The following GALK2 variants were observed in gnomAD, a reference collection of about 807,000 sequenced individuals.
GALK2 encodes the protein galactokinase 2.
In GALK2, 36 loss-of-function variants were observed where a neutral mutation model predicts 52.4. That is an observed-to-expected ratio of 0.69 (90% CI 0.53 to 0.91). The LOEUF (loss-of-function observed/expected upper bound fraction) is 0.91. Among genes scored for constraint, GALK2 ranks in the 40% least tolerant of loss-of-function variants. GALK2 has a pLI of 0.00. For synonymous variants in GALK2, 176 were observed against 199.1 expected (o/e 0.88, Z 0.98); for missense variants, 579 against 559.1 (o/e 1.04, Z -0.36).
intron 3 of GALK2, among the ~76,000 whole-genome samples, chr15:49,345,560 A>G (rs1156381618): frequency 6.6e-6 from 1 of 152,266 alleles, no homozygotes; most frequent in Non-Finnish European, 1.5e-5. Flanking sequence ...AACAATGGTT[A>G]TATTCTACTC....
At chr15:49,340,680 T>C (rs903929650) in intron 3 of GALK2, among the ~76,000 whole-genome samples, 5 of 152,186 alleles carry the variant, frequency 3.3e-5, no homozygotes, top group African/African-American at 9.7e-5. Context: ...GTTGGATGCA[T>C]AGTTTGTGAA....
chr15:49,183,440 T>G (rs2086118874), intron 1 of GALK2, among the ~76,000 whole-genome samples: 1 of 152,246 alleles, frequency 6.6e-6, no homozygotes, highest in Admixed American at 6.5e-5. Flanking sequence ...CAGGAACATA[T>G]TGTTTAATTG....
chr15:49,342,112 T>G (rs569113535), intron 3 of GALK2, among the ~76,000 whole-genome samples: 1 of 152,166 alleles, frequency 6.6e-6, no homozygotes, highest in African/African-American at 2.4e-5. Flanking sequence ...ATGATCTGCA[T>G]TATGTTGTCA....
chr15:49,341,429 T>A (rs2040715220), intron 3 of GALK2, among the ~76,000 whole-genome samples: 1 of 152,196 alleles, frequency 6.6e-6, no homozygotes, highest in African/African-American at 2.4e-5. Flanking sequence ...ATGATTTCTT[T>A]CCACAGAATT....
intron 3 of GALK2, among the ~76,000 whole-genome samples, chr15:49,219,097 G>A (rs191127301): frequency 5.3e-5 from 8 of 152,314 alleles, no homozygotes; most frequent in Admixed American, 3.3e-4. Flanking sequence ...AAAGTGCTGG[G>A]ATTGCAGGTT....
intron 5 of GALK2, among the ~76,000 whole-genome samples, chr15:49,267,940 A>C (rs2092412167): frequency 6.6e-6 from 1 of 152,126 alleles, no homozygotes; most frequent in Non-Finnish European, 1.5e-5. Flanking sequence ...GTGATATTTC[A>C]CTCTCCAAGA....
At chr15:49,206,196 A>C (rs2088267190) in intron 2 of GALK2, among the ~76,000 whole-genome samples, 1 of 151,990 alleles carries the variant, frequency 6.6e-6, no homozygotes, top group Admixed American at 6.5e-5. Context: ...CTTTTTGCTT[A>C]GTCTTGTTTT....
chr15:49,311,229 G>A (rs2035965296), intron 8 of GALK2, among the ~76,000 whole-genome samples: 2 of 152,136 alleles, frequency 1.3e-5, no homozygotes, highest in South Asian at 4.1e-4. Flanking sequence ...TGTGTTATAT[G>A]CAGTATTTTG....
chr15:49,196,494 T>G (rs2141284622), intron 1 of GALK2, among the ~76,000 whole-genome samples: 1 of 152,352 alleles, frequency 6.6e-6, no homozygotes, highest in African/African-American at 2.4e-5. Flanking sequence ...TATTTCTACT[T>G]TATGGAATTT....
intron 5 of GALK2, among the ~76,000 whole-genome samples, chr15:49,267,316 C>G (rs2092394406): frequency 6.6e-6 from 1 of 152,122 alleles, no homozygotes; most frequent in Non-Finnish European, 1.5e-5. Flanking sequence ...CAGTCATTAC[C>G]TGGAGGATGT....
chr15:49,165,435 C>A (rs1053278300), upstream of GALK2, among the ~76,000 whole-genome samples: 1 of 152,156 alleles, frequency 6.6e-6, no homozygotes, highest in African/African-American at 2.4e-5. Context: ...ATTAAACATT[C>A]CTTGAGTGCC....
At chr15:49,199,588 T>A (rs960068453) in intron 1 of GALK2, among the ~76,000 whole-genome samples, 2 of 152,214 alleles carry the variant, frequency 1.3e-5, no homozygotes, top group African/African-American at 4.8e-5. Context: ...GACCTCACCC[T>A]TTGGCCACAG....
intron 3 of GALK2, chr15:49,366,714 C>A: frequency 8.0e-7 from 1 of 1,247,874 alleles, no homozygotes; most frequent in Non-Finnish European, 1.2e-6. Flanking sequence ...TGGGGTGGCG[C>A]GGCGCGGCTC....
chr15:49,271,595 C>T (rs2030633143), intron 5 of GALK2, among the ~76,000 whole-genome samples: 1 of 152,166 alleles, frequency 6.6e-6, no homozygotes. Context: ...GCTGAATGAT[C>T]TTGGGCAGTT....
intron 7 of GALK2, among the ~76,000 whole-genome samples, chr15:49,288,412 T>C (rs1343005063): frequency 3.3e-5 from 5 of 152,298 alleles, no homozygotes; most frequent in East Asian, 1.9e-4. Context: ...ACAGGGCCTG[T>C]CTGGTCAGGG....
intron 8 of GALK2, among the ~76,000 whole-genome samples, chr15:49,314,582 C>A (rs2036253506): frequency 6.6e-6 from 1 of 152,194 alleles, no homozygotes; most frequent in Non-Finnish European, 1.5e-5. Flanking sequence ...ATTATGCATT[C>A]AACAAACATT....
intron 3 of GALK2, among the ~76,000 whole-genome samples, chr15:49,231,252 G>A (rs112438466): frequency 2.6e-5 from 4 of 152,298 alleles, no homozygotes; most frequent in African/African-American, 9.6e-5. Context: ...TTACATGAGT[G>A]GAGCAGGAGG....
chr15:49,325,403 A>G (rs2037308434), intron 9 of GALK2, among the ~76,000 whole-genome samples: 1 of 152,138 alleles, frequency 6.6e-6, no homozygotes, highest in Non-Finnish European at 1.5e-5. Flanking sequence ...ATATATTTTT[A>G]ATGTTTTATT....
intron 3 of GALK2, among the ~76,000 whole-genome samples, chr15:49,348,537 T>C (rs2041844581): frequency 6.6e-6 from 1 of 152,170 alleles, no homozygotes. Context: ...GGTTTCTACT[T>C]TCTGAAATTT....
Sources: gnomAD v4.1 joint callset for allele counts (sites outside exome capture counted in the v4.1 genomes callset) on GRCh38, gnomAD v4.1.1 for gene constraint, MANE v1.5 for transcripts, NCBI Gene and HGNC (gene_info 2026-07-23, HGNC 2026-07-21) for gene names.